ATP8B4: variants seen among roughly 807,000 people sequenced by gnomAD.
ATP8B4 encodes ATPase phospholipid transporting 8B4 (putative), also known as probable phospholipid-transporting ATPase IM.
In ATP8B4, 133 loss-of-function variants were observed where a neutral mutation model predicts 145.6. The ratio of observed to expected loss-of-function variants is 0.91; its 90% CI spans 0.79 to 1.05. ATP8B4 has a LOEUF of 1.05. Ranked by LOEUF, ATP8B4 falls within the 50% of genes least tolerant of loss-of-function variation. The pLI, the probability that ATP8B4 is intolerant of heterozygous loss-of-function variation, is 0.00. For missense variants in ATP8B4, 1,458 were observed against 1,425.2 expected (o/e 1.02, Z -0.37); for synonymous variants, 507 against 492.9 (o/e 1.03, Z -0.38).
intron 3 of ATP8B4, among the ~76,000 whole-genome samples, chr15:50,054,968 G>A (rs2052495082): frequency 6.6e-6 from 1 of 152,060 alleles, no homozygotes; most frequent in South Asian, 2.1e-4. Context: ...CATAATTCCA[G>A]GGTCAAATTA....
chr15:50,144,228 T>TATG (rs960257514), intron 1 of ATP8B4, among the ~76,000 whole-genome samples: 2 of 152,140 alleles, frequency 1.3e-5, no homozygotes, highest in Non-Finnish European at 2.9e-5. Flanking sequence ...AAGCCTAAAG[T>TATG]ATGATGATGG....
At chr15:50,179,660 T>C (rs2044815706) in intron 1 of ATP8B4, among the ~76,000 whole-genome samples, 1 of 152,184 alleles carries the variant, frequency 6.6e-6, no homozygotes, top group South Asian at 2.1e-4. Context: ...GGCAGAGCCC[T>C]CATGAATGGG....
intron 24 of ATP8B4, among the ~76,000 whole-genome samples, chr15:49,877,769 A>G (rs894608554): frequency 2.0e-5 from 3 of 152,242 alleles, no homozygotes; most frequent in African/African-American, 2.4e-5. Context: ...ACCAGTATGT[A>G]AAGTATTTAG....
rs949177561 is a variant in ATP8B4, at chr15:50,134,783, A to T, written c.-42-27775T>A. ...GAGGTAAAATGTCAAAGATGATGTC[A>T]CATTCTTTGCCCTAATGGCTAGGGG... On this transcript the variant is annotated intron_variant, in intron 1 of 3. Transcript: ENST00000558829. Among the ~76,000 whole-genome samples, 6 of 152,364 alleles carry T rather than the reference A, an allele frequency of 3.9e-5. No homozygotes were observed. The South Asian group carries it at 8.3e-4, about 21-fold the overall frequency.
At chr15:49,997,701 G>C (rs1410482836) in intron 8 of ATP8B4, among the ~76,000 whole-genome samples, 1 of 152,040 alleles carries the variant, frequency 6.6e-6, no homozygotes, top group East Asian at 1.9e-4. Flanking sequence ...CAAAAAGCAG[G>C]TACCTAAGAA....
chr15:50,119,632 C>T (rs1027060714), upstream of ATP8B4, among the ~76,000 whole-genome samples: 3 of 152,000 alleles, frequency 2.0e-5, no homozygotes, highest in Non-Finnish European at 2.9e-5. Context: ...AAGGGGACAC[C>T]GGCTACCAGG....
At chr15:50,068,241 G>T (rs962335251) in intron 3 of ATP8B4, among the ~76,000 whole-genome samples, 1 of 152,150 alleles carries the variant, frequency 6.6e-6, no homozygotes, top group African/African-American at 2.4e-5. Flanking sequence ...GGAAATAAAA[G>T]GAGTTCATGT....
chr15:49,948,831 T>C (rs113245302), intron 14 of ATP8B4, among the ~76,000 whole-genome samples: 1,995 of 151,652 alleles, frequency 0.013, 22 homozygotes, highest in Non-Finnish European at 0.021. Context: ...TTTTGGATTT[T>C]GTTGCAATTC....
intron 2 of ATP8B4, among the ~76,000 whole-genome samples, chr15:50,084,443 G>A (rs1240513847): frequency 6.6e-6 from 1 of 152,116 alleles, no homozygotes; most frequent in African/African-American, 2.4e-5. Context: ...CCTGGTCCAA[G>A]CCACCATCCT....
intron 1 of ATP8B4, among the ~76,000 whole-genome samples, chr15:50,126,007 CCTT>C (rs1321213760): frequency 6.6e-6 from 1 of 152,126 alleles, no homozygotes; most frequent in Non-Finnish European, 1.5e-5. Flanking sequence ...TAACAAGAAT[CCTT>C]CTAGTGGAAG....
intron 6 of ATP8B4, among the ~76,000 whole-genome samples, chr15:50,021,795 C>A (rs2049595600): frequency 6.6e-6 from 1 of 152,108 alleles, no homozygotes; most frequent in African/African-American, 2.4e-5. Flanking sequence ...TTTCTGTATC[C>A]TTAGTACATA....
At chr15:50,144,717 C>T (rs185415419) in intron 1 of ATP8B4, among the ~76,000 whole-genome samples, 2 of 151,998 alleles carry the variant, frequency 1.3e-5, no homozygotes, top group East Asian at 3.9e-4. Context: ...AAAGAATAAC[C>T]TAATATGAGA....
intron 25 of ATP8B4, among the ~76,000 whole-genome samples, chr15:49,870,877 C>CTGCCA (rs2033573184): frequency 6.6e-6 from 1 of 152,230 alleles, no homozygotes; most frequent in African/African-American, 2.4e-5. Flanking sequence ...AGTTGAAACT[C>CTGCCA]TGCCATTGAA....
chr15:50,070,238 G>T (rs192853034), intron 3 of ATP8B4, among the ~76,000 whole-genome samples: 1 of 151,980 alleles, frequency 6.6e-6, no homozygotes, highest in Non-Finnish European at 1.5e-5. Flanking sequence ...ATTCTTTAAA[G>T]CTGGGCAAGA....
chr15:49,893,388 T>C (rs1238475001), intron 23 of ATP8B4, among the ~76,000 whole-genome samples: 1 of 151,970 alleles, frequency 6.6e-6, no homozygotes, highest in Non-Finnish European at 1.5e-5. Flanking sequence ...GACTAAGAGG[T>C]GGAAACAACC....
intron 20 of ATP8B4, among the ~76,000 whole-genome samples, chr15:49,912,732 G>A (rs2039357768): frequency 6.6e-6 from 1 of 152,056 alleles, no homozygotes; most frequent in Admixed American, 6.5e-5. Flanking sequence ...GAAAACTACA[G>A]ATCAATATCT....
intron 23 of ATP8B4, among the ~76,000 whole-genome samples, chr15:49,886,086 T>A (rs1238524669): frequency 6.6e-6 from 1 of 152,082 alleles, no homozygotes; most frequent in Non-Finnish European, 1.5e-5. Flanking sequence ...TTACAATTAT[T>A]TATATGCTGG....
chr15:50,099,070 C>A (rs745826743), intron 2 of ATP8B4, among the ~76,000 whole-genome samples: 2 of 152,128 alleles, frequency 1.3e-5, no homozygotes, highest in Non-Finnish European at 2.9e-5. Flanking sequence ...CTACCCTACA[C>A]CCCATAAACA....
At chr15:50,003,900 A>C (rs1025806654) in intron 7 of ATP8B4, among the ~76,000 whole-genome samples, 2 of 152,110 alleles carry the variant, frequency 1.3e-5, no homozygotes, top group African/African-American at 4.8e-5. Context: ...CATGTGACTG[A>C]GGCGCCACTG....
Sources: gnomAD v4.1 joint callset for allele counts (sites outside exome capture counted in the v4.1 genomes callset) on GRCh38, gnomAD v4.1.1 for gene constraint, MANE v1.5 for transcripts, NCBI Gene and HGNC (gene_info 2026-07-23, HGNC 2026-07-21) for gene names.